Variants in CLEC4M observed in about 807,000 individuals in gnomAD.
CLEC4M encodes C-type lectin domain family 4 member M.
CLEC4M carries 25 observed loss-of-function variants against 39.1 expected under a neutral mutation model. That is an observed-to-expected ratio of 0.64 (90% CI 0.47 to 0.89). The LOEUF (loss-of-function observed/expected upper bound fraction) is 0.89. Among genes scored for constraint, CLEC4M ranks in the 40% least tolerant of loss-of-function variants. The pLI is 0.00. For missense variants in CLEC4M, 353 were observed against 431.4 expected (o/e 0.82, Z 1.61); for synonymous variants, 155 against 177.4 (o/e 0.87, Z 1.00).
chr19:7,765,305 C>T (rs750326441), intron 3 of CLEC4M, 37 bp downstream of exon 3: 10 of 1,609,346 alleles, frequency 6.2e-6, no homozygotes, highest in South Asian at 1.1e-5. Flanking sequence ...GGTCCCCAGG[C>T]CTGGCCTTTT....
At position 7,766,101 on chromosome 19, in the gene CLEC4M, G is replaced by C. The variant is rs147316344; in HGVS notation, c.678G>C (p.Glu226Asp). 3.6e-5 allele frequency: 58 copies of C among 1,612,354 alleles called. No individual in the cohort carries two copies. In the African/African-American group the frequency reaches 7.5e-4, roughly 21 times the overall value. Reference protein sequence around the residue: ...GELPEKSKLQEIYQELTQLKA... With the variant: ...GELPEKSKLQDIYQELTQLKA... The stretch of plus-strand genomic sequence containing the variant: ...TGCCAGAGAAATCCAAGCTGCAGGA[G>C]ATCTACCAGGAGCTGACCCAGCTGA... Residue 226 changes from glutamate (E) to aspartate (D), a missense_variant, in exon 4 of 7, where the codon GAG becomes GAC. By Grantham distance (45) the Glu-to-Asp change is conservative. Coordinates refer to ENST00000327325, the MANE Select transcript of CLEC4M (RefSeq NM_014257.5).
intron 5 of CLEC4M, 179 bp from the exon 6 acceptor site, chr19:7,767,337 G>A: frequency 1.7e-6 from 1 of 584,738 alleles, no homozygotes; most frequent in South Asian, 2.1e-5. Context: ...TGCATGTCAG[G>A]ACACACATGC....
At chr19:7,764,484 T>C (rs1347116499) in intron 2 of CLEC4M, among the ~76,000 whole-genome samples, 1 of 151,818 alleles carries the variant, frequency 6.6e-6, no homozygotes, top group Non-Finnish European at 1.5e-5. Flanking sequence ...GTTTTTATTT[T>C]TATTTATTTA....
Position 7,768,966 on chromosome 19 carries a change from C to T in CLEC4M, c.1178C>T (p.Ala393Val), listed in dbSNP as rs764629639. 23 of 1,613,966 alleles carry T rather than the reference C, an allele frequency of 1.4e-5. No homozygotes were observed. The East Asian group carries it at 4.5e-4, about 31-fold the overall frequency. The change falls in exon 7 of 7, where the codon GCA (alanine) becomes GTA (valine). Residue 393 changes from alanine (A) to valine (V), a missense_variant. By Grantham distance (64) the Ala-to-Val change is moderately conservative. Around this residue, in one of 4 missense-constraint regions of CLEC4M, gnomAD observed 196 missense variants for 211.7 expected, o/e 0.93. Transcript: ENST00000327325. ...AATTACTGGATCTGCAAAAAGCCCG[C>T]AGCCTGCTTCAGAGACGAATAGTTG... ...VDNYWICKKPAACFRDE is the reference protein window; with the variant it reads ...VDNYWICKKPVACFRDE
At chr19:7,768,724 C>A in intron 6 of CLEC4M, 114 bp from the exon 7 acceptor site, 1 of 1,235,410 alleles carries the variant, frequency 8.1e-7, no homozygotes, top group Non-Finnish European at 1.1e-6. Context: ...GAGAGCAATG[C>A]ATGTCCAGCA....
Position 7,767,617 on chromosome 19 carries a change from T to C in CLEC4M, c.1038T>C (p.Pro346=), listed in dbSNP as rs1353819707. 2.5e-6 allele frequency: 4 copies of C among 1,613,598 alleles called. No individual in the cohort carries two copies. Among genetic ancestry groups the C allele is most frequent in the Non-Finnish European group, 3.4e-6 (4 of 1,179,626 alleles). The change falls in exon 6 of 7, where the codon CCT becomes CCC. Residue 346 remains proline, a synonymous_variant. Transcript: ENST00000327325. ...EGTWQWVDGS[P]LSPSFQRYWN... Reference sequence around the variant, plus strand: ...CGTGGCAATGGGTGGACGGCTCACCTCTGTCACCCAGGTAGATTCTGGGAG... The same window carrying C: ...CGTGGCAATGGGTGGACGGCTCACCCCTGTCACCCAGGTAGATTCTGGGAG...
At chr19:7,766,337 A>G in intron 4 of CLEC4M, 130 bp downstream of exon 4, 1 of 1,501,786 alleles carries the variant, frequency 6.7e-7, no homozygotes, top group Admixed American at 2.1e-5. Flanking sequence ...GGTAACTGCG[A>G]TCATTGCACT....
At chr19:7,767,222 G>A (rs2034317297) in intron 5 of CLEC4M, 1 of 440,338 alleles carries the variant, frequency 2.3e-6, no homozygotes, top group East Asian at 4.3e-5. Context: ...TGTGGCTCCA[G>A]TACATGAAAC....
intron 3 of CLEC4M, 32 bp downstream of exon 3, chr19:7,765,300 C>G: frequency 6.2e-7 from 1 of 1,610,354 alleles, no homozygotes; most frequent in Non-Finnish European, 8.5e-7. Context: ...TCTGGGGTCC[C>G]CAGGCCTGGC....
Position 7,768,765 on chromosome 19 carries a change from A to G in CLEC4M, c.1050-73A>G, listed in dbSNP as rs1467005444. On this transcript the variant is annotated intron_variant, in intron 6 of 6. Transcript: ENST00000327325. ...ATGTAGGGCAGATGTTAAAGCATCA[A>G]TATTACAGAAGGTAGGAGTGTGGCT... 3.9e-6 allele frequency: 6 copies of G among 1,542,678 alleles called. No individual in the cohort carries two copies. The African/African-American group carries it at 4.1e-5, about 11-fold the overall frequency.
intron 2 of CLEC4M, among the ~76,000 whole-genome samples, chr19:7,764,638 A>G (rs956470073): frequency 6.6e-6 from 1 of 151,710 alleles, no homozygotes; most frequent in Non-Finnish European, 1.5e-5. Flanking sequence ...ACAGGCGCCC[A>G]CCACCACCAC....
intron 6 of CLEC4M, 198 bp downstream of exon 6, chr19:7,767,826 G>A (rs1178928629): frequency 3.6e-6 from 2 of 557,646 alleles, no homozygotes; most frequent in Admixed American, 3.0e-5. Context: ...CACCAGCAGA[G>A]CTGCAGGAGG....
chr19:7,766,874 T>C, intron 5 of CLEC4M, 67 bp downstream of exon 5: 1 of 1,608,278 alleles, frequency 6.2e-7, no homozygotes, highest in Non-Finnish European at 8.5e-7. Flanking sequence ...GAGGAGGTGC[T>C]CAGAGAGGAT....
At position 7,769,188 on chromosome 19, in the gene CLEC4M, C is replaced by A; in HGVS notation, c.*200C>A. 1 of 522,198 alleles carries A rather than the reference C, an allele frequency of 1.9e-6. No homozygotes were observed. The highest frequency in any genetic ancestry group is 3.4e-6 in the Non-Finnish European group (1 of 294,034). 32.3% of individuals were successfully genotyped at this position (522,198 alleles called of 1,614,324 possible). A position where few individuals can be genotyped will look rare whatever the true frequency, so the allele number is the denominator to read the frequency against. On this transcript the variant is annotated 3_prime_UTR_variant, in exon 7 of 7. Transcript: ENST00000327325. ...GTTTCCCTGGTGTAGAGCTTGTGTTCTTGGCCCATCCTTGGAGCTTTATAA... is the reference window on the plus strand; with the variant it reads ...GTTTCCCTGGTGTAGAGCTTGTGTTATTGGCCCATCCTTGGAGCTTTATAA...
chr19:7,767,907 C>T, intron 6 of CLEC4M: 1 of 312,908 alleles, frequency 3.2e-6, no homozygotes, highest in South Asian at 6.0e-5. Context: ...GTAAGGCCAC[C>T]AGCTCAGGAG....
intron 6 of CLEC4M, chr19:7,768,372 A>C (rs2034372197): frequency 1.3e-5 from 2 of 155,598 alleles, no homozygotes; most frequent in Non-Finnish European, 2.9e-5. Flanking sequence ...TCAAGAGATC[A>C]AAACCATGCT....
At chr19:7,767,428 A>G (rs1224159098) in intron 5 of CLEC4M, 88 bp from the exon 6 acceptor site, 1 of 1,018,942 alleles carries the variant, frequency 9.8e-7, no homozygotes, top group African/African-American at 1.6e-5. Context: ...GGTTAACTTG[A>G]AAGCAGAACT....
chr19:7,767,419 G>T, intron 5 of CLEC4M, 97 bp from the exon 6 acceptor site: 2 of 912,848 alleles, frequency 2.2e-6, no homozygotes, highest in Admixed American at 2.1e-5. Context: ...AAAACTGCAG[G>T]TTAACTTGAA....
At chr19:7,763,873 G>T (rs1227450623) in intron 2 of CLEC4M, among the ~76,000 whole-genome samples, 4 of 151,584 alleles carry the variant, frequency 2.6e-5, no homozygotes, top group Non-Finnish European at 4.4e-5. Context: ...GGGTCCTGGG[G>T]AGGTGGGAGC....
Sources: allele counts gnomAD v4.1 joint callset (sites outside exome capture counted in the v4.1 genomes callset), GRCh38; gene constraint gnomAD v4.1.1; regional missense constraint gnomAD v4.1.1; transcripts MANE v1.5; gene names NCBI Gene and HGNC (gene_info 2026-07-23, HGNC 2026-07-21).